The following DPP6 variants were observed in gnomAD, a reference collection of about 807,000 sequenced individuals.
The protein encoded by DPP6 is dipeptidyl peptidase like 6.
DPP6 carries 69 observed loss-of-function variants against 122.6 expected under a neutral mutation model. The ratio of observed to expected loss-of-function variants is 0.56; its 90% CI spans 0.46 to 0.69. The LOEUF (loss-of-function observed/expected upper bound fraction) is 0.69. Among genes scored for constraint, DPP6 ranks in the 30% least tolerant of loss-of-function variants. The pLI is 0.00. For synonymous variants in DPP6, 418 were observed against 433.1 expected, an observed-to-expected ratio of 0.97 and a Z score of 0.43; for missense variants, 928 against 1,116.9, an observed-to-expected ratio of 0.83 and a Z score of 2.41.
chr7:154,384,970 A>C (rs1175989401), intron 1 of DPP6, among the ~76,000 whole-genome samples: 8 of 150,406 alleles, frequency 5.3e-5, no homozygotes, highest in Non-Finnish European at 1.0e-4. Context: ...TAGTTTTTTA[A>C]ATTTTATTTA....
At chr7:154,299,413 T>A (rs997849172) in intron 1 of DPP6, among the ~76,000 whole-genome samples, 11 of 152,242 alleles carry the variant, frequency 7.2e-5, no homozygotes, top group Admixed American at 6.5e-5. Context: ...GAGCACGCAG[T>A]GGTCGACTGT....
intron 1 of DPP6, among the ~76,000 whole-genome samples, chr7:154,389,212 C>T (rs1242471213): frequency 6.6e-6 from 1 of 152,112 alleles, no homozygotes; most frequent in South Asian, 2.1e-4. Context: ...GGGAGGAAAG[C>T]AGAGTGAAGA....
intron 1 of DPP6, among the ~76,000 whole-genome samples, chr7:154,118,341 C>A (rs1022303547): frequency 1.3e-5 from 2 of 149,322 alleles, no homozygotes; most frequent in African/African-American, 5.0e-5. Flanking sequence ...TTTAGGTAGA[C>A]ACCCGTAGGT....
At chr7:154,271,852 T>C (rs1339477398) in intron 1 of DPP6, among the ~76,000 whole-genome samples, 1 of 152,204 alleles carries the variant, frequency 6.6e-6, no homozygotes, top group East Asian at 1.9e-4. Flanking sequence ...GACAGTATTA[T>C]TCAGGGAGGC....
intron 3 of DPP6, among the ~76,000 whole-genome samples, chr7:154,489,776 G>A (rs1175989982): frequency 6.6e-6 from 1 of 152,082 alleles, no homozygotes; most frequent in Non-Finnish European, 1.5e-5. Flanking sequence ...AGCAATTTAT[G>A]AAGCAGATTA....
chr7:154,066,176 C>T (rs1802712124), intron 1 of DPP6, among the ~76,000 whole-genome samples: 1 of 151,708 alleles, frequency 6.6e-6, no homozygotes, highest in Non-Finnish European at 1.5e-5. Context: ...TCTCCTGCCT[C>T]AGCCTCCTGA....
chr7:154,870,701 G>A (rs1017261020), intron 18 of DPP6, among the ~76,000 whole-genome samples: 2 of 151,686 alleles, frequency 1.3e-5, no homozygotes, highest in East Asian at 1.9e-4. Flanking sequence ...GGTGGCTCAC[G>A]CCTGTAATCC....
intron 5 of DPP6, among the ~76,000 whole-genome samples, chr7:154,578,323 C>G (rs2130645067): frequency 6.6e-6 from 1 of 152,344 alleles, no homozygotes; most frequent in Admixed American, 6.5e-5. Flanking sequence ...CACAGCATAG[C>G]AAGTGCCTGG....
At chr7:153,909,738 C>G (rs1266815309) in intron 1 of DPP6, among the ~76,000 whole-genome samples, 1 of 152,200 alleles carries the variant, frequency 6.6e-6, no homozygotes, top group Non-Finnish European at 1.5e-5. Flanking sequence ...TCCCCAGTCA[C>G]TTGGTGAACA....
intron 6 of DPP6, among the ~76,000 whole-genome samples, chr7:154,648,905 G>A (rs1454576534): frequency 3.3e-5 from 4 of 122,176 alleles, no homozygotes; most frequent in African/African-American, 1.2e-4. Context: ...GCAACAGAGC[G>A]AGACTCCATC....
intron 16 of DPP6, among the ~76,000 whole-genome samples, chr7:154,820,567 T>G (rs748906518): frequency 5.9e-5 from 9 of 152,242 alleles, no homozygotes; most frequent in Non-Finnish European, 1.0e-4. Context: ...TGAAGTGTTC[T>G]TGTTTGGTCA....
At chr7:153,768,639 T>C in the DPP6 span, among the ~76,000 whole-genome samples, 1 of 152,200 alleles carries the variant, frequency 6.6e-6, no homozygotes, top group African/African-American at 2.4e-5. Flanking sequence ...CTTATGCTTA[T>C]TGGCCATGTA....
At chr7:154,510,117 A>C (rs1034658000) in intron 3 of DPP6, among the ~76,000 whole-genome samples, 1 of 152,208 alleles carries the variant, frequency 6.6e-6, no homozygotes, top group Admixed American at 6.5e-5. Flanking sequence ...GAAGCTGTTA[A>C]AAATGAAAGG....
intron 1 of DPP6, among the ~76,000 whole-genome samples, chr7:154,032,658 CAT>C (rs1313337744): frequency 6.6e-6 from 1 of 151,986 alleles, no homozygotes; most frequent in Non-Finnish European, 1.5e-5. Flanking sequence ...TGCAATCTGA[CAT>C]ATTTTATCTT....
rs766943750 is a variant in DPP6 at position 154,889,301 on chromosome 7, G to T, written c.2334G>T (p.Ala778=). The T allele has an allele frequency of 6.2e-7, 1 of 1,612,838 alleles. No individual in the cohort carries two copies. Among genetic ancestry groups the T allele is most frequent in the African/African-American group, 1.3e-5 (1 of 74,800 alleles). Residue 778 remains alanine, a synonymous_variant, in exon 24 of 26, where the codon GCG becomes GCT. Coordinates refer to ENST00000377770, the MANE Select transcript of DPP6 (RefSeq NM_130797.4). The stretch of plus-strand genomic sequence containing the variant: ...CCAAGGTAGCCCATCGAGTCTCCGC[G>T]CTGGAAGAACAGCAGTTCCTGATCA... ...EMTKVAHRVS[A]LEEQQFLIIH... is the part of the protein sequence containing the mutation.
At chr7:154,420,131 G>A (rs1817345528) in intron 1 of DPP6, among the ~76,000 whole-genome samples, 1 of 152,234 alleles carries the variant, frequency 6.6e-6, no homozygotes, top group Non-Finnish European at 1.5e-5. Flanking sequence ...GAGGTCAGGA[G>A]TTTGAGACTA....
intron 4 of DPP6, among the ~76,000 whole-genome samples, chr7:154,561,616 A>C (rs79857484): frequency 0.01 from 1,563 of 152,344 alleles, 26 homozygotes; most frequent in African/African-American, 0.034. Context: ...TTAACTGTTC[A>C]TATTAGATCT....
intron 7 of DPP6, among the ~76,000 whole-genome samples, chr7:154,684,421 G>A (rs7792530): frequency 0.45 from 68,841 of 152,142 alleles, 15,828 homozygotes; most frequent in East Asian, 0.59. Context: ...CATTAAATAC[G>A]TGTTCAAAGG....
chr7:154,528,803 C>T (rs1463357837), intron 3 of DPP6, among the ~76,000 whole-genome samples: 1 of 152,100 alleles, frequency 6.6e-6, no homozygotes, highest in East Asian at 1.9e-4. Context: ...AGGGAGTTGG[C>T]CTTTATGCAG....
Sources: gnomAD v4.1 joint callset for allele counts (sites outside exome capture counted in the v4.1 genomes callset) on GRCh38, gnomAD v4.1.1 for gene constraint, MANE v1.5 for transcripts, NCBI Gene and HGNC (gene_info 2026-07-23, HGNC 2026-07-21) for gene names.